The following SMYD3 variants were observed in gnomAD, a reference collection of about 807,000 sequenced individuals.
The protein encoded by SMYD3 is SET and MYND domain containing 3, also known as histone-lysine N-methyltransferase SMYD3.
Under a neutral mutation model 57.7 loss-of-function variants are expected in SMYD3, and 36 were observed. The ratio of observed to expected loss-of-function variants is 0.62; its 90% CI spans 0.48 to 0.82. The LOEUF (loss-of-function observed/expected upper bound fraction) is 0.82, where lower values mean the gene tolerates loss of function less well. Ranked by LOEUF, SMYD3 falls within the 40% of genes least tolerant of loss-of-function variation. The pLI is 0.00. For missense variants in SMYD3, 515 were observed against 538.8 expected, an observed-to-expected ratio of 0.96 and a Z score of 0.44; for synonymous variants, 211 against 195.0, an observed-to-expected ratio of 1.08 and a Z score of -0.68.
intron 5 of SMYD3, among the ~76,000 whole-genome samples, chr1:246,244,775 A>C (rs1427655784): frequency 6.6e-6 from 1 of 152,328 alleles, no homozygotes; most frequent in East Asian, 1.9e-4. Flanking sequence ...TCTGTTGCCT[A>C]CTATAAACAG....
At chr1:246,304,643 T>C (rs1476779480) in intron 5 of SMYD3, among the ~76,000 whole-genome samples, 1 of 152,170 alleles carries the variant, frequency 6.6e-6, no homozygotes, top group Non-Finnish European at 1.5e-5. Flanking sequence ...TTTGGAGTTT[T>C]CTCTTTATCC....
intron 5 of SMYD3, among the ~76,000 whole-genome samples, chr1:246,114,781 G>A (rs973692516): frequency 8.5e-5 from 13 of 152,050 alleles, no homozygotes; most frequent in African/African-American, 2.7e-4. Context: ...ACAGGCGCCC[G>A]CCACCACGCC....
At chr1:246,299,750 C>A (rs915295538) in intron 5 of SMYD3, among the ~76,000 whole-genome samples, 1 of 151,986 alleles carries the variant, frequency 6.6e-6, no homozygotes, top group Non-Finnish European at 1.5e-5. Flanking sequence ...AACCAAACAC[C>A]GCATGTTCTC....
At chr1:246,083,153 T>G (rs1035285528) in intron 5 of SMYD3, among the ~76,000 whole-genome samples, 4 of 151,770 alleles carry the variant, frequency 2.6e-5, no homozygotes, top group African/African-American at 9.7e-5. Flanking sequence ...AATGCCTCTT[T>G]GCAGTTGAGA....
intron 5 of SMYD3, 185 bp downstream of exon 5, chr1:246,327,016 T>C (rs1020195953): frequency 4.6e-6 from 3 of 647,140 alleles, no homozygotes; most frequent in Non-Finnish European, 5.2e-6. Flanking sequence ...AACAGAAAAA[T>C]TCATACCCTT....
intron 5 of SMYD3, among the ~76,000 whole-genome samples, chr1:246,273,170 G>A (rs1298899065): frequency 9.3e-6 from 1 of 107,710 alleles, no homozygotes; most frequent in Admixed American, 9.2e-5. Context: ...TTGGGGGGGG[G>A]ACAGAGTCTT....
intron 5 of SMYD3, among the ~76,000 whole-genome samples, chr1:246,198,993 C>CG (rs746091927): frequency 1.8e-4 from 28 of 152,006 alleles, no homozygotes; most frequent in Non-Finnish European, 2.6e-4. Context: ...ATTTTAGATT[C>CG]GGGGGTACAT....
intron 10 of SMYD3, among the ~76,000 whole-genome samples, chr1:245,853,740 C>T (rs1395490658): frequency 3.3e-5 from 5 of 151,996 alleles, no homozygotes; most frequent in Admixed American, 6.6e-5. Flanking sequence ...AAAAATCCCC[C>T]GCAAAATTAA....
At chr1:246,358,430 C>A (rs939267491) in intron 1 of SMYD3, among the ~76,000 whole-genome samples, 1 of 152,060 alleles carries the variant, frequency 6.6e-6, no homozygotes, top group South Asian at 2.1e-4. Flanking sequence ...AACAAAGAAA[C>A]AATGGACTTA....
chr1:245,779,044 C>G (rs1045117005), intron 10 of SMYD3, among the ~76,000 whole-genome samples: 30 of 151,616 alleles, frequency 2.0e-4, no homozygotes, highest in Non-Finnish European at 1.0e-4. Context: ...CTTGTAGTCC[C>G]AGCTAATTGA....
At chr1:246,459,465 C>T (rs558823687) in intron 1 of SMYD3, among the ~76,000 whole-genome samples, 2 of 151,160 alleles carry the variant, frequency 1.3e-5, no homozygotes, top group South Asian at 4.2e-4. Context: ...TCTTGTTCTG[C>T]TATTCTCGCA....
chr1:246,004,168 T>A (rs777202366), intron 5 of SMYD3, among the ~76,000 whole-genome samples: 1 of 152,196 alleles, frequency 6.6e-6, no homozygotes, highest in African/African-American at 2.4e-5. Flanking sequence ...AGTGCTAACA[T>A]CTAGAAGGTG....
intron 5 of SMYD3, among the ~76,000 whole-genome samples, chr1:246,306,840 G>C (rs556173800): frequency 2.0e-5 from 3 of 152,188 alleles, no homozygotes; most frequent in Non-Finnish European, 4.4e-5. Flanking sequence ...ATTTTGCCGA[G>C]TCATGTAGGA....
chr1:246,151,024 G>T (rs1361342370), intron 5 of SMYD3, among the ~76,000 whole-genome samples: 2 of 152,074 alleles, frequency 1.3e-5, no homozygotes, highest in Non-Finnish European at 2.9e-5. Context: ...GAGGCGGGTG[G>T]ATCACGAGGT....
chr1:246,019,365 G>A (rs796701997), intron 5 of SMYD3, among the ~76,000 whole-genome samples: 2 of 152,180 alleles, frequency 1.3e-5, no homozygotes, highest in Admixed American at 6.5e-5. Flanking sequence ...TCTCTCAAAC[G>A]CTTTACAGCT....
intron 11 of SMYD3, among the ~76,000 whole-genome samples, chr1:245,763,665 C>T (rs1038135825): frequency 4.6e-5 from 7 of 152,106 alleles, no homozygotes; most frequent in African/African-American, 1.4e-4. Context: ...GCGAGGGACA[C>T]GGACTGTGTT....
intron 1 of SMYD3, among the ~76,000 whole-genome samples, chr1:246,401,635 A>C (rs1393702363): frequency 1.3e-5 from 2 of 151,934 alleles, no homozygotes; most frequent in African/African-American, 4.8e-5. Context: ...CCCAGCCTTA[A>C]ATTTTTAAAA....
At chr1:246,253,455 T>C (rs563864673) in intron 5 of SMYD3, among the ~76,000 whole-genome samples, 1 of 152,254 alleles carries the variant, frequency 6.6e-6, no homozygotes, top group Non-Finnish European at 1.5e-5. Context: ...GATTTTGTTC[T>C]TTCTTAAGGC....
chr1:246,076,324 T>C (rs1380928770), intron 5 of SMYD3, among the ~76,000 whole-genome samples: 1 of 152,250 alleles, frequency 6.6e-6, no homozygotes, highest in Non-Finnish European at 1.5e-5. Context: ...TCATTTCCTA[T>C]ATATAGTTAG....
Sources: allele counts gnomAD v4.1 joint callset (sites outside exome capture counted in the v4.1 genomes callset), GRCh38; gene constraint gnomAD v4.1.1; transcripts MANE v1.5; gene names NCBI Gene and HGNC (gene_info 2026-07-23, HGNC 2026-07-21).